TEX15: variants seen among roughly 807,000 people sequenced by gnomAD.
TEX15 encodes the protein testis-expressed protein 15.
TEX15 carries 171 observed loss-of-function variants against 237.3 expected under a neutral mutation model. The observed-to-expected ratio is 0.72, with a 90% CI of 0.64 to 0.82. The LOEUF (loss-of-function observed/expected upper bound fraction) is 0.82. Among genes scored for constraint, TEX15 ranks in the 40% least tolerant of loss-of-function variants. The pLI is 0.00. For missense variants in TEX15, 3,750 were observed against 3,646.5 expected (o/e 1.03, Z -0.73); for synonymous variants, 1,338 against 1,269.8 (o/e 1.05, Z -1.14).
chr8:30,911,817 C>A (rs907400946), intron 1 of TEX15, among the ~76,000 whole-genome samples: 1 of 152,144 alleles, frequency 6.6e-6, no homozygotes, highest in East Asian at 1.9e-4. Context: ...CAACCCCGAG[C>A]GCGGAGAGGA....
chr8:30,849,360 T>C, intron 7 of TEX15, 44 bp from the exon 8 acceptor site: 1 of 1,149,808 alleles, frequency 8.7e-7, no homozygotes, highest in Non-Finnish European at 1.2e-6. Flanking sequence ...AAAGTGTTTC[T>C]ATAGACAACT....
intron 4 of TEX15, among the ~76,000 whole-genome samples, chr8:30,874,672 T>G (rs1808364331): frequency 6.6e-6 from 1 of 152,118 alleles, no homozygotes; most frequent in Non-Finnish European, 1.5e-5. Flanking sequence ...TTAATAAAGG[T>G]GCTGATGCAT....
In TEX15 at chr8:30,837,866, A is replaced by G. The variant is rs1807345744; in HGVS notation, c.8418T>C (p.Asp2806=). ...AATTTTCCTGTTGTCCACTGAAGTG[A>G]TCAGATGAAACAGTTAAGTCTATTT... ...ESKIDLTVSS[D]HFSGQQENLN... Residue 2806 remains aspartate (D), a synonymous_variant, in exon 10 of 11, where the codon GAT becomes GAC. Transcript: ENST00000643185. The G allele has an allele frequency of 6.2e-7, 1 of 1,614,122 alleles. No individual in the cohort carries two copies.
At chr8:30,897,866 G>A (rs1247065687) in intron 2 of TEX15, among the ~76,000 whole-genome samples, 2 of 152,024 alleles carry the variant, frequency 1.3e-5, no homozygotes, top group Non-Finnish European at 2.9e-5. Flanking sequence ...GTCTTGCTAT[G>A]TTGCCCAGGC....
chr8:30,860,564 T>C (rs941402727), intron 5 of TEX15, among the ~76,000 whole-genome samples: 1 of 84,914 alleles, frequency 1.2e-5, no homozygotes, highest in Non-Finnish European at 2.8e-5. Context: ...GAGAATCTAC[T>C]TTTTTTTTTT....
At chr8:30,900,798 A>G (rs1187986921) in intron 1 of TEX15, among the ~76,000 whole-genome samples, 2 of 152,248 alleles carry the variant, frequency 1.3e-5, no homozygotes, top group Admixed American at 6.5e-5. Flanking sequence ...CACCAACCAC[A>G]GGTTTTAACA....
Position 30,843,806 on chromosome 8 carries a change from G to A in TEX15, c.6361C>T (p.Gln2121Ter). The A allele has an allele frequency of 6.2e-7, 1 of 1,613,162 alleles. No individual in the cohort carries two copies. The highest frequency in any genetic ancestry group is 8.5e-7 in the Non-Finnish European group (1 of 1,179,548). ...AELLGKPRGF[Q>*]QQSNFYPGFQ... ...CCAGGATAGAAATTAGACTGCTGTT[G>A]AAATCCACGTGGTTTTCCAAGAAGC... Residue 2121 changes from glutamine (Q) to a stop codon, truncating the protein, a stop_gained, in exon 8 of 11, where the codon CAA becomes TAA. Transcript: ENST00000643185. LOFTEE classifies it high-confidence loss of function.
In TEX15 at chr8:30,843,274, T is replaced by C. The variant is rs1807506757; in HGVS notation, c.6893A>G (p.Glu2298Gly). Residue 2298 changes from glutamate to glycine, a missense_variant, in exon 8 of 11, where the codon GAA becomes GGA. Glu to Gly is a moderately conservative substitution (Grantham distance 98). Coordinates refer to ENST00000643185, the MANE Select transcript of TEX15 (RefSeq NM_001350162.2). Reference sequence around the variant, plus strand: ...ACATTTATTCACTCTGAGTAGCCTTTCTTCGTCCTTCTTTTGTGAGTATTT... The same window carrying C: ...ACATTTATTCACTCTGAGTAGCCTTCCTTCGTCCTTCTTTTGTGAGTATTT... ...SKKYSQKKDE[E>G]RLLRVNKCAF... 2 of 1,612,046 alleles carry C rather than the reference T, an allele frequency of 1.2e-6. No homozygotes were observed. The highest frequency in any genetic ancestry group is 1.3e-5 in the African/African-American group (1 of 74,948).
chr8:30,878,396 T>G (rs1808445136), intron 3 of TEX15, among the ~76,000 whole-genome samples: 1 of 152,086 alleles, frequency 6.6e-6, no homozygotes, highest in Non-Finnish European at 1.5e-5. Flanking sequence ...ATTTATTTTA[T>G]TTTTGAGACG....
At position 30,842,465 on chromosome 8, in the gene TEX15, A is replaced by G. The variant is rs1807482248; in HGVS notation, c.7702T>C (p.Phe2568Leu). 4.3e-6 allele frequency: 7 copies of G among 1,613,214 alleles called. No individual in the cohort carries two copies. Among genetic ancestry groups the G allele is most frequent in the African/African-American group, 2.7e-5 (2 of 74,898 alleles). Reference sequence around the variant, plus strand: ...TTTATGGATGCTATATATGGCACAAAGTCAATATATGTGGAAATAAAATAC... The same window carrying G: ...TTTATGGATGCTATATATGGCACAAGGTCAATATATGTGGAAATAAAATAC... ...SKYFISTYID[F>L]VPYIASINYG... Residue 2568 changes from phenylalanine (F) to leucine (L), a missense_variant, in exon 8 of 11, where the codon TTT (phenylalanine) becomes CTT (leucine). Phe to Leu is a conservative substitution (Grantham distance 22, BLOSUM62 0). Coordinates refer to ENST00000643185, the MANE Select transcript of TEX15 (RefSeq NM_001350162.2).
intron 1 of TEX15, among the ~76,000 whole-genome samples, chr8:30,899,898 G>A (rs1481665722): frequency 2.6e-5 from 4 of 152,126 alleles, no homozygotes; most frequent in East Asian, 3.9e-4. Flanking sequence ...AACTTATTTC[G>A]TGATTTCAAG....
intron 3 of TEX15, among the ~76,000 whole-genome samples, chr8:30,881,621 T>A (rs138083478): frequency 0.02 from 2,498 of 124,914 alleles, 230 homozygotes; most frequent in Non-Finnish European, 0.026. Context: ...TTTTTATTTT[T>A]TTTTATTATT....
chr8:30,869,132 T>C (rs973206137), intron 4 of TEX15, among the ~76,000 whole-genome samples: 3 of 151,986 alleles, frequency 2.0e-5, no homozygotes, highest in African/African-American at 7.2e-5. Flanking sequence ...AAAAAGTTAG[T>C]TTTTGATCTA....
intron 4 of TEX15, among the ~76,000 whole-genome samples, chr8:30,872,407 G>A (rs1027018886): frequency 5.3e-5 from 8 of 152,100 alleles, no homozygotes; most frequent in Non-Finnish European, 1.0e-4. Flanking sequence ...AGTATAGCAT[G>A]TATGATTATG....
intron 2 of TEX15, chr8:30,888,604 G>A: frequency 2.3e-6 from 3 of 1,287,728 alleles, no homozygotes; most frequent in Non-Finnish European, 3.0e-6. Context: ...TATACACACA[G>A]GGAAATATAT....
At chr8:30,896,514 G>GT in intron 2 of TEX15, among the ~76,000 whole-genome samples, 1 of 151,464 alleles carries the variant, frequency 6.6e-6, no homozygotes, top group Non-Finnish European at 1.5e-5. Context: ...AATTCCAGTA[G>GT]TTACCTCAGC....
At chr8:30,876,558 T>C (rs901755115) in intron 3 of TEX15, among the ~76,000 whole-genome samples, 2 of 152,192 alleles carry the variant, frequency 1.3e-5, no homozygotes, top group Non-Finnish European at 1.5e-5. Flanking sequence ...TAGCACTTTT[T>C]GGTGAGGCCT....
rs1563235079 is a variant in TEX15 at position 30,844,333 on chromosome 8, G to A, written c.5834C>T (p.Ala1945Val). The A allele has an allele frequency of 5.0e-6, 8 of 1,612,682 alleles. No homozygotes were observed. The highest frequency in any genetic ancestry group is 6.8e-6 in the Non-Finnish European group (8 of 1,179,400). The change falls in exon 8 of 11, where the codon GCC (alanine) becomes GTC (valine). Residue 1945 changes from alanine (A) to valine (V), a missense_variant. Ala to Val is a moderately conservative substitution (Grantham distance 64). Coordinates refer to ENST00000643185, the MANE Select transcript of TEX15 (RefSeq NM_001350162.2). ...QSDLTLHSEIAYISKPGILGV... is the reference protein window; with the variant it reads ...QSDLTLHSEIVYISKPGILGV... Reference sequence around the variant, plus strand: ...TAGAATTCCTGGTTTGGAAATATAGGCTATTTCTGAATGTAATGTCAAGTC... The same window carrying A: ...TAGAATTCCTGGTTTGGAAATATAGACTATTTCTGAATGTAATGTCAAGTC...
chr8:30,868,635 C>A (rs956192107), intron 4 of TEX15, among the ~76,000 whole-genome samples: 6 of 152,006 alleles, frequency 3.9e-5, no homozygotes, highest in Non-Finnish European at 5.9e-5. Flanking sequence ...ATGATCACTT[C>A]TATTTCCTAG....
Sources: allele counts gnomAD v4.1 joint callset (sites outside exome capture counted in the v4.1 genomes callset), GRCh38; gene constraint gnomAD v4.1.1; transcripts MANE v1.5; gene names NCBI Gene and HGNC (gene_info 2026-07-23, HGNC 2026-07-21).